Variants in ESRRG observed in about 807,000 individuals in gnomAD.
ESRRG encodes estrogen-related receptor gamma.
A neutral mutation model predicts 44.0 loss-of-function variants in ESRRG; 13 were observed. The observed-to-expected ratio is 0.30, with a 90% confidence interval of 0.19 to 0.47. ESRRG has a LOEUF of 0.47. Ranked by LOEUF, ESRRG falls within the 20% of genes least tolerant of loss-of-function variation. The pLI, the probability that ESRRG is intolerant of heterozygous loss-of-function variation, is 1.00. For synonymous variants in ESRRG, 215 were observed against 214.6 expected (o/e 1.00, Z -0.02); for missense variants, 395 against 580.6 (o/e 0.68, Z 3.29).
rs572198416 is a variant in ESRRG at position 217,119,443 on chromosome 1, A to G, written c.-230+18224T>C. On this transcript the variant is annotated intron_variant, in intron 1 of 8. Coordinates refer to the ESRRG transcript ENST00000366940. ...ACCATGTAAATCTGAATCCCTCTCTACATCTGCCCTAACGACTGAATCCTA... is the reference window on the plus strand; with the variant it reads ...ACCATGTAAATCTGAATCCCTCTCTGCATCTGCCCTAACGACTGAATCCTA... 2.0e-4 allele frequency among the ~76,000 whole-genome samples: 31 copies of G among 152,326 alleles called. No individual in the cohort carries two copies. The Middle Eastern group carries it at 0.014, about 67-fold the overall frequency.
In ESRRG at chr1:216,828,759, C is replaced by A. The variant is rs2095438297; in HGVS notation, c.-14+110823G>T. 2.0e-5 allele frequency among the ~76,000 whole-genome samples: 3 copies of A among 152,132 alleles called. 1 individual carries two copies. Among genetic ancestry groups the A allele is most frequent in the African/African-American group, 7.2e-5 (3 of 41,524 alleles). Reference sequence around the variant, plus strand: ...AAACCAAAGGCTATATTTCAGTGACCAATAACTTTGTTGCTGTGTTCTCAT... The same window carrying A: ...AAACCAAAGGCTATATTTCAGTGACAAATAACTTTGTTGCTGTGTTCTCAT... On this transcript the variant is annotated intron_variant, in intron 2 of 7. Coordinates refer to the ESRRG transcript ENST00000359162.
chr1:217,063,675 A>T (rs2225968), intron 1 of ESRRG, among the ~76,000 whole-genome samples: 28,707 of 152,156 alleles, frequency 0.19, 3,405 homozygotes, highest in East Asian at 0.64. Context: ...AAAGAGCACC[A>T]CAGGGTGGGA....
chr1:216,967,623 T>C (rs1196375707), intron 1 of ESRRG, among the ~76,000 whole-genome samples: 2 of 152,224 alleles, frequency 1.3e-5, no homozygotes, highest in Non-Finnish European at 1.5e-5. Context: ...CCATGGTTTA[T>C]TTAACTATGC....
At chr1:216,616,579 CT>C (rs925262668) in intron 3 of ESRRG, among the ~76,000 whole-genome samples, 16 of 152,202 alleles carry the variant, frequency 1.1e-4, no homozygotes, top group Non-Finnish European at 2.4e-4. Flanking sequence ...GGCTTGCCAA[CT>C]GGCTGCATTT....
intron 3 of ESRRG, among the ~76,000 whole-genome samples, chr1:216,592,044 G>A (rs1339954316): frequency 6.6e-6 from 1 of 152,158 alleles, no homozygotes; most frequent in African/African-American, 2.4e-5. Flanking sequence ...GATATAATGC[G>A]ATGAGATCAC....
At chr1:216,993,042 A>T (rs2075942341) in intron 1 of ESRRG, among the ~76,000 whole-genome samples, 1 of 152,148 alleles carries the variant, frequency 6.6e-6, no homozygotes. Flanking sequence ...AGCTCTACCA[A>T]CCCGAATGTA....
chr1:216,519,114 T>TA (rs533877894), intron 6 of ESRRG, 38 bp downstream of exon 6: 112 of 1,585,728 alleles, frequency 7.1e-5, no homozygotes, highest in South Asian at 3.2e-4. Flanking sequence ...ACTGACATAT[T>TA]AAAAAAAATG....
chr1:216,676,673 C>T (rs997481745), intron 2 of ESRRG, among the ~76,000 whole-genome samples: 2 of 152,158 alleles, frequency 1.3e-5, no homozygotes, highest in Non-Finnish European at 2.9e-5. Context: ...TTAATGCACA[C>T]TCAAGTTTGG....
chr1:216,795,326 T>C (rs1479171059), intron 2 of ESRRG, among the ~76,000 whole-genome samples: 1 of 140,790 alleles, frequency 7.1e-6, no homozygotes, highest in East Asian at 2.0e-4. Context: ...TTTTATTTTA[T>C]GGTTTTTTTC....
At chr1:216,921,168 A>T (rs1012763059) in intron 2 of ESRRG, among the ~76,000 whole-genome samples, 1 of 152,152 alleles carries the variant, frequency 6.6e-6, no homozygotes, top group African/African-American at 2.4e-5. Flanking sequence ...TTCCCATTTG[A>T]TGGTAAGAAA....
intron 1 of ESRRG, among the ~76,000 whole-genome samples, chr1:216,708,116 T>C (rs1055386879): frequency 2.0e-5 from 3 of 152,176 alleles, no homozygotes; most frequent in Non-Finnish European, 4.4e-5. Flanking sequence ...ATATTCTTGG[T>C]ATATTCAACG....
At chr1:217,058,152 AG>A (rs2087544320) in intron 1 of ESRRG, among the ~76,000 whole-genome samples, 2 of 152,216 alleles carry the variant, frequency 1.3e-5, no homozygotes, top group Admixed American at 1.3e-4. Flanking sequence ...GACATATTCT[AG>A]TAAACTCTCT....
chr1:216,925,809 G>A (rs2062478509), intron 2 of ESRRG, among the ~76,000 whole-genome samples: 1 of 151,976 alleles, frequency 6.6e-6, no homozygotes. Context: ...AAATTAGCAG[G>A]CGTGGTGGTG....
At chr1:217,032,801 A>T (rs2082266393) in intron 1 of ESRRG, among the ~76,000 whole-genome samples, 1 of 152,182 alleles carries the variant, frequency 6.6e-6, no homozygotes, top group South Asian at 2.1e-4. Flanking sequence ...TTGGGAAAAG[A>T]TGGTGTCATT....
chr1:217,129,014 T>C (rs1382926086), intron 1 of ESRRG, among the ~76,000 whole-genome samples: 1 of 152,076 alleles, frequency 6.6e-6, no homozygotes. Context: ...AAAACTTCTA[T>C]GAATAACAGA....
At chr1:217,005,716 C>G (rs1281097236) in intron 1 of ESRRG, among the ~76,000 whole-genome samples, 1 of 151,902 alleles carries the variant, frequency 6.6e-6, no homozygotes, top group Non-Finnish European at 1.5e-5. Flanking sequence ...AATGGTTCTT[C>G]TGACCATTAG....
chr1:216,746,194 C>T (rs1011553100), intron 2 of ESRRG, among the ~76,000 whole-genome samples: 1 of 152,146 alleles, frequency 6.6e-6, no homozygotes, highest in African/African-American at 2.4e-5. Context: ...GAAGCTCAAA[C>T]ATTAACTTAT....
At chr1:216,797,485 C>T (rs949330188) in intron 2 of ESRRG, among the ~76,000 whole-genome samples, 3 of 152,120 alleles carry the variant, frequency 2.0e-5, no homozygotes, top group African/African-American at 7.2e-5. Flanking sequence ...ATACCCATCC[C>T]TCCAGATCCA....
chr1:216,760,014 C>A (rs72739413), intron 2 of ESRRG, among the ~76,000 whole-genome samples: 1 of 152,068 alleles, frequency 6.6e-6, no homozygotes, highest in East Asian at 1.9e-4. Flanking sequence ...CATCCCTAAA[C>A]GGGGTAAGTG....
Sources: allele counts gnomAD v4.1 joint callset (sites outside exome capture counted in the v4.1 genomes callset), GRCh38; gene constraint gnomAD v4.1.1; transcripts MANE v1.5; gene names NCBI Gene and HGNC (gene_info 2026-07-23, HGNC 2026-07-21).